IL22RA1: variants seen among roughly 807,000 people sequenced by gnomAD.
IL22RA1 encodes interleukin 22 receptor subunit alpha 1.
In IL22RA1, 25 loss-of-function variants were observed where a neutral mutation model predicts 32.8. The ratio of observed to expected loss-of-function variants is 0.76; its 90% confidence interval spans 0.55 to 1.06. IL22RA1 has a LOEUF of 1.06. Among genes scored for constraint, IL22RA1 ranks in the 50% least tolerant of loss-of-function variants. IL22RA1 has a pLI of 0.00. For synonymous variants in IL22RA1, 305 were observed against 305.0 expected (o/e 1.00, Z 0.00); for missense variants, 709 against 727.4 (o/e 0.97, Z 0.29).
chr1:24,124,194 G>T (rs1001639512), intron 5 of IL22RA1, among the ~76,000 whole-genome samples: 6 of 152,182 alleles, frequency 3.9e-5, no homozygotes, highest in African/African-American at 1.4e-4. Flanking sequence ...GGCCCCTTTT[G>T]CCTGAGTCTA....
chr1:24,132,574 C>T (rs982698717), intron 4 of IL22RA1, among the ~76,000 whole-genome samples: 4 of 151,856 alleles, frequency 2.6e-5, no homozygotes, highest in African/African-American at 9.7e-5. Context: ...CCTCGTGATC[C>T]GCCCGCCTCG....
intron 4 of IL22RA1, among the ~76,000 whole-genome samples, chr1:24,128,971 G>T (rs1366299860): frequency 6.6e-6 from 1 of 152,182 alleles, no homozygotes; most frequent in Non-Finnish European, 1.5e-5. Flanking sequence ...ACCTGGCTCT[G>T]CAGGCTCATC....
At position 24,137,288 on chromosome 1, in the gene IL22RA1, C is replaced by T. The variant is rs1240129198; in HGVS notation, c.198G>A (p.Val66=). The change falls in exon 3 of 7, where the codon GTG becomes GTA. Residue 66 remains valine, a synonymous_variant. Transcript: ENST00000270800. ...TGATCCGCTGACAGCCCTTCTTTGC[C>T]ACCCAGTCCCTCTCTCCGTACCTGC... ...EYKTYGERDW[V]AKKGCQRITR... is the part of the protein sequence containing the mutation. 1 of 1,614,108 alleles carries T rather than the reference C, an allele frequency of 6.2e-7. No individual in the cohort carries two copies. Among genetic ancestry groups the T allele is most frequent in the Non-Finnish European group, 8.5e-7 (1 of 1,180,004 alleles).
At chr1:24,130,216 A>G (rs1236526044) in intron 4 of IL22RA1, among the ~76,000 whole-genome samples, 1 of 152,182 alleles carries the variant, frequency 6.6e-6, no homozygotes, top group African/African-American at 2.4e-5. Context: ...CTGAAGGCAG[A>G]CCTCAGTCTA....
Position 24,134,238 on chromosome 1 carries a change from C to A in IL22RA1, c.504G>T (p.Glu168Asp). ...DIFHDLFYHL[E>D]LQVNRTYQMH... Reference sequence around the variant, plus strand: ...TTTGGTAGGTGCGGTTGACCTGGAGCTCTAAGTGGTAGAACAGGTCATGGA... The same window carrying A: ...TTTGGTAGGTGCGGTTGACCTGGAGATCTAAGTGGTAGAACAGGTCATGGA... Residue 168 changes from glutamate to aspartate, a missense_variant, in exon 4 of 7, where the codon GAG (glutamate) becomes GAT (aspartate). By Grantham distance (45) the Glu-to-Asp change is conservative. Coordinates refer to ENST00000270800, the MANE Select transcript of IL22RA1 (RefSeq NM_021258.4). 6.2e-7 allele frequency: 1 copy of A among 1,611,828 alleles called. No homozygotes were observed. The highest frequency in any genetic ancestry group is 8.5e-7 in the Non-Finnish European group (1 of 1,178,924).
At chr1:24,134,416 G>T (rs1025054343) in intron 3 of IL22RA1, 30 bp from the exon 4 acceptor site, 15 of 1,442,638 alleles carry the variant, frequency 1.0e-5, no homozygotes, top group Non-Finnish European at 1.4e-5. Flanking sequence ...AAAGAGAAAA[G>T]AAAAAGTCAG....
intron 4 of IL22RA1, among the ~76,000 whole-genome samples, chr1:24,129,992 T>C (rs1164657978): frequency 6.6e-6 from 1 of 152,244 alleles, no homozygotes; most frequent in Non-Finnish European, 1.5e-5. Context: ...GCCAGCCTGA[T>C]ATCTCTTCCA....
rs549690226 is a variant in IL22RA1 at position 24,138,595 on chromosome 1, T to A, written c.163A>T (p.Ile55Phe). 3.1e-6 allele frequency: 5 copies of A among 1,614,158 alleles called. No homozygotes were observed. In the Admixed American group the frequency reaches 6.7e-5, roughly 22 times the overall value. The change falls in exon 2 of 7, where the codon ATC becomes TTC. Residue 55 changes from isoleucine to phenylalanine, a missense_variant. Ile to Phe is a conservative substitution (Grantham distance 21, BLOSUM62 0). Coordinates refer to ENST00000270800, the MANE Select transcript of IL22RA1 (RefSeq NM_021258.4). ...AGAGAAGCCTACGTCTTATACTCGA[T>A]GCTGTAGACCGTGTCTGGGGTGCCC... Reference protein sequence around the residue: ...PEGTPDTVYSIEYKTYGERDW... With the variant: ...PEGTPDTVYSFEYKTYGERDW...
chr1:24,132,890 A>G (rs1411267355), intron 4 of IL22RA1, among the ~76,000 whole-genome samples: 2 of 151,464 alleles, frequency 1.3e-5, no homozygotes, highest in African/African-American at 2.4e-5. Flanking sequence ...ATGGTGGGGC[A>G]GTATAGGCAG....
intron 5 of IL22RA1, among the ~76,000 whole-genome samples, chr1:24,125,319 G>A (rs552530403): frequency 6.6e-6 from 1 of 152,212 alleles, no homozygotes; most frequent in African/African-American, 2.4e-5. Context: ...AGTTACATGT[G>A]TAACTCAAAA....
At chr1:24,139,404 C>CA (rs1244933619) in intron 1 of IL22RA1, among the ~76,000 whole-genome samples, 1 of 152,152 alleles carries the variant, frequency 6.6e-6, no homozygotes, top group Non-Finnish European at 1.5e-5. Context: ...ACACCGTGTT[C>CA]AATTTTATAA....
Position 24,137,184 on chromosome 1 carries a change from G to A in IL22RA1, c.302C>T (p.Ala101Val), listed in dbSNP as rs147985725. 3.0e-5 allele frequency: 49 copies of A among 1,613,980 alleles called. 1 individual carries two copies. Among genetic ancestry groups the A allele is most frequent in the East Asian group, 2.7e-4 (12 of 44,866 alleles). The change falls in exon 3 of 7, where the codon GCG becomes GTG. Residue 101 changes from alanine (A) to valine (V), a missense_variant. Coordinates refer to ENST00000270800, the MANE Select transcript of IL22RA1 (RefSeq NM_021258.4). ...LYYARVTAVS[A>V]GGRSATKMTD... ...CATCTTGGTGGCTGACCGGCCTCCCGCACTGACAGCGGTGACCCTGGCATA... is the reference window on the plus strand; with the variant it reads ...CATCTTGGTGGCTGACCGGCCTCCCACACTGACAGCGGTGACCCTGGCATA...
chr1:24,128,045 G>A (rs1014897409), intron 5 of IL22RA1, 96 bp downstream of exon 5: 22 of 1,250,794 alleles, frequency 1.8e-5, no homozygotes, highest in Non-Finnish European at 2.2e-5. Context: ...GTTTTCTAGA[G>A]TGTTGCCAAG....
chr1:24,121,614 C>T lies in IL22RA1; in HGVS notation c.916G>A (p.Val306Met), dbSNP rs376005934. Residue 306 changes from valine to methionine, a missense_variant, in exon 7 of 7, where the codon GTG becomes ATG. Coordinates refer to ENST00000270800, the MANE Select transcript of IL22RA1 (RefSeq NM_021258.4). ...CCTGCGGGCTCCCTGGGTCCAGACA[C>T]CCTGATCTGGGAGTACTGGACAGGC... ...AQPVQYSQIR[V>M]SGPREPAGAP... 6.2e-6 allele frequency: 10 copies of T among 1,612,916 alleles called. No individual in the cohort carries two copies. The African/African-American group carries it at 1.1e-4, about 17-fold the overall frequency.
At chr1:24,128,559 G>T (rs906326075) in intron 4 of IL22RA1, among the ~76,000 whole-genome samples, 14 of 148,748 alleles carry the variant, frequency 9.4e-5, no homozygotes, top group African/African-American at 3.5e-4. Context: ...AAAATGTGTG[G>T]TTATACACAC....
At chr1:24,138,144 G>C (rs1010220841) in intron 2 of IL22RA1, among the ~76,000 whole-genome samples, 3 of 152,202 alleles carry the variant, frequency 2.0e-5, no homozygotes, top group African/African-American at 7.2e-5. Flanking sequence ...GCGTGGGCTA[G>C]AGGGGCTGGG....
At chr1:24,142,971 G>A in intron 1 of IL22RA1, 69 bp downstream of exon 1, 8 of 1,442,348 alleles carry the variant, frequency 5.5e-6, no homozygotes, top group Non-Finnish European at 6.8e-6. Context: ...GGAGGGTGCT[G>A]GGGAGATGAC....
At chr1:24,141,199 G>A (rs1469973243) in intron 1 of IL22RA1, among the ~76,000 whole-genome samples, 1 of 152,242 alleles carries the variant, frequency 6.6e-6, no homozygotes, top group Non-Finnish European at 1.5e-5. Context: ...CTGTGCCGTG[G>A]AGCCTTAGGA....
intron 4 of IL22RA1, among the ~76,000 whole-genome samples, chr1:24,132,728 C>G (rs967092390): frequency 6.6e-6 from 1 of 151,634 alleles, no homozygotes; most frequent in Non-Finnish European, 1.5e-5. Flanking sequence ...TGGCCGGGTG[C>G]GGTGGCTCAT....
Sources: allele counts gnomAD v4.1 joint callset (sites outside exome capture counted in the v4.1 genomes callset), GRCh38; gene constraint gnomAD v4.1.1; transcripts MANE v1.5; gene names NCBI Gene and HGNC (gene_info 2026-07-23, HGNC 2026-07-21).